Variants in GRIP1 observed in about 807,000 individuals in gnomAD.
GRIP1 encodes glutamate receptor interacting protein 1, also known as glutamate receptor-interacting protein 1.
GRIP1 carries 45 observed loss-of-function variants against 129.9 expected under a neutral mutation model. That is an observed-to-expected ratio of 0.35 (90% CI 0.27 to 0.44). The LOEUF is 0.44. Ranked by LOEUF, GRIP1 falls within the 20% of genes least tolerant of loss-of-function variation. The pLI is 1.00. For missense variants in GRIP1, 1,196 were observed against 1,396.8 expected (o/e 0.86, Z 2.29); for synonymous variants, 530 against 520.8 (o/e 1.02, Z -0.24).
chr12:67,016,944 C>A (rs1046782856), intron 1 of GRIP1, among the ~76,000 whole-genome samples: 1 of 152,084 alleles, frequency 6.6e-6, no homozygotes, highest in African/African-American at 2.4e-5. Context: ...TCCAGTGGAG[C>A]TATTCAATTC....
intron 7 of GRIP1, among the ~76,000 whole-genome samples, chr12:66,466,642 A>T (rs1592375002): frequency 6.6e-6 from 1 of 152,198 alleles, no homozygotes; most frequent in South Asian, 2.1e-4. Context: ...TACCTATACA[A>T]TGGTATCTTT....
chr12:66,868,044 C>T (rs1392010113), intron 1 of GRIP1, among the ~76,000 whole-genome samples: 2 of 152,060 alleles, frequency 1.3e-5, no homozygotes, highest in Non-Finnish European at 2.9e-5. Flanking sequence ...GATGGAATAA[C>T]AACAGGTATC....
chr12:66,677,458 G>A (rs1369812977), intron 1 of GRIP1, among the ~76,000 whole-genome samples: 2 of 152,074 alleles, frequency 1.3e-5, no homozygotes, highest in African/African-American at 4.8e-5. Flanking sequence ...TTCAGAATAA[G>A]GGCCTGCCTT....
intron 1 of GRIP1, among the ~76,000 whole-genome samples, chr12:67,060,779 G>A (rs1425122946): frequency 2.8e-5 from 4 of 142,772 alleles, no homozygotes; most frequent in African/African-American, 7.9e-5. Flanking sequence ...GCCGGGAACC[G>A]CACCATTGCA....
At chr12:67,026,840 T>C (rs906634590) in intron 1 of GRIP1, among the ~76,000 whole-genome samples, 4 of 152,342 alleles carry the variant, frequency 2.6e-5, no homozygotes, top group African/African-American at 9.6e-5. Context: ...CCTTATTTTA[T>C]GACAAAATAA....
intron 1 of GRIP1, among the ~76,000 whole-genome samples, chr12:66,617,083 TTTTGTG>T (rs1346485255): frequency 4.5e-4 from 23 of 51,184 alleles, no homozygotes; most frequent in East Asian, 8.1e-4. Context: ...GCAACAGACG[TTTTGTG>T]TGTGTGTGTG....
intron 1 of GRIP1, among the ~76,000 whole-genome samples, chr12:67,014,616 G>A (rs1393293773): frequency 6.6e-6 from 1 of 151,840 alleles, no homozygotes; most frequent in African/African-American, 2.4e-5. Flanking sequence ...AACACAAAGG[G>A]GGTTCTGTGG....
intron 1 of GRIP1, among the ~76,000 whole-genome samples, chr12:67,016,414 T>C (rs1245513392): frequency 6.6e-6 from 1 of 152,162 alleles, no homozygotes; most frequent in African/African-American, 2.4e-5. Context: ...TTTATTCTTA[T>C]TTTAGAAGGA....
upstream of GRIP1, among the ~76,000 whole-genome samples, chr12:66,679,837 A>C (rs1369187364): frequency 6.6e-6 from 1 of 152,234 alleles, no homozygotes. Flanking sequence ...CATTATGCAA[A>C]TAAAACGGTC....
At chr12:66,445,252 TA>T in intron 12 of GRIP1, 69 bp downstream of exon 12, 1 of 1,164,076 alleles carries the variant, frequency 8.6e-7, no homozygotes, top group Non-Finnish European at 1.3e-6. Flanking sequence ...CATAATTTAC[TA>T]GCCATTCAAA....
At chr12:66,534,275 A>C (rs1029411994) in intron 4 of GRIP1, among the ~76,000 whole-genome samples, 2 of 152,220 alleles carry the variant, frequency 1.3e-5, no homozygotes, top group Non-Finnish European at 2.9e-5. Context: ...ATGGTACTGC[A>C]TAATGACCAA....
intron 2 of GRIP1, among the ~76,000 whole-genome samples, chr12:66,580,164 A>G (rs1160467054): frequency 6.8e-6 from 1 of 147,386 alleles, no homozygotes; most frequent in Admixed American, 6.8e-5. Context: ...ACTAAGCTTC[A>G]TAAGTGAAGG....
chr12:66,822,010 G>GTC (rs1337590487), intron 1 of GRIP1, among the ~76,000 whole-genome samples: 5 of 151,814 alleles, frequency 3.3e-5, no homozygotes, highest in Non-Finnish European at 5.9e-5. Context: ...TTGTGTGTGT[G>GTC]TGTGTGTGTG....
intron 7 of GRIP1, among the ~76,000 whole-genome samples, chr12:66,501,430 T>A (rs147664098): frequency 6.6e-6 from 1 of 152,098 alleles, no homozygotes; most frequent in Admixed American, 6.6e-5. Flanking sequence ...AAGAAGAATA[T>A]TTTTTTCCCC....
At chr12:66,672,990 G>A (rs1348100972) in intron 1 of GRIP1, among the ~76,000 whole-genome samples, 1 of 152,110 alleles carries the variant, frequency 6.6e-6, no homozygotes, top group African/African-American at 2.4e-5. Context: ...TAATTTCTAA[G>A]TCTATTCTAT....
Position 66,379,388 on chromosome 12 carries a change from C to T in GRIP1, c.2513G>A (p.Arg838Lys). 1 of 1,614,136 alleles carries T rather than the reference C, an allele frequency of 6.2e-7. No individual in the cohort carries two copies. Among genetic ancestry groups the T allele is most frequent in the African/African-American group, 1.3e-5 (1 of 75,048 alleles). The change falls in exon 20 of 25, where the codon AGG (arginine) becomes AAG (lysine). Residue 838 changes from arginine (R) to lysine (K), a missense_variant. By Grantham distance (26) the Arg-to-Lys change is conservative. Transcript: ENST00000359742. ...CAAGCTGCCTCTCTGTTTTGGACTC[C>T]TCCAGTCATAGGTGTTGAAATTGTA... ...SGYNFNTYDW[R>K]SPKQRGSLSP...
intron 1 of GRIP1, among the ~76,000 whole-genome samples, chr12:66,931,173 A>T (rs1404605870): frequency 1.3e-5 from 2 of 152,256 alleles, no homozygotes; most frequent in Non-Finnish European, 2.9e-5. Context: ...ATTGAATCTT[A>T]AAATTGCTAA....
chr12:66,755,123 A>G (rs990185097), intron 1 of GRIP1, among the ~76,000 whole-genome samples: 2 of 152,212 alleles, frequency 1.3e-5, no homozygotes, highest in Non-Finnish European at 2.9e-5. Flanking sequence ...GATCTTTATC[A>G]GAAAATTTTC....
At chr12:66,477,367 T>C (rs868740067) in intron 7 of GRIP1, among the ~76,000 whole-genome samples, 3,487 of 151,292 alleles carry the variant, frequency 0.023, 139 homozygotes, top group African/African-American at 0.081. Flanking sequence ...CACTGCTCAA[T>C]GAAATAAAAG....
Sources: allele counts gnomAD v4.1 joint callset (sites outside exome capture counted in the v4.1 genomes callset), GRCh38; gene constraint gnomAD v4.1.1; transcripts MANE v1.5; gene names NCBI Gene and HGNC (gene_info 2026-07-23, HGNC 2026-07-21).